ZNF674: variants seen among roughly 807,000 people sequenced by gnomAD.
The protein encoded by ZNF674 is zinc finger protein 674, also known as zinc finger family member 674.
In ZNF674, 2 loss-of-function variants were observed where a neutral mutation model predicts 7.0. That is an observed-to-expected ratio of 0.29 (90% confidence interval 0.12 to 0.90). The LOEUF (loss-of-function observed/expected upper bound fraction) is 0.90, where lower values mean the gene tolerates loss of function less well. Ranked by LOEUF, ZNF674 falls within the 40% of genes least tolerant of loss-of-function variation. The pLI, the probability that ZNF674 is intolerant of heterozygous loss-of-function variation, is 0.57. For missense variants in ZNF674, 297 were observed against 415.5 expected (o/e 0.71, Z 2.48); for synonymous variants, 103 against 145.2 (o/e 0.71, Z 2.09).
intron 2 of ZNF674, among the ~76,000 whole-genome samples, chrX:46,542,960 T>G (rs1942318125): frequency 9.0e-6 from 1 of 110,637 alleles, no homozygotes; most frequent in African/African-American, 3.3e-5. Context: ...TTTTTTTTGT[T>G]TTTTTTTGAG....
Position 46,500,554 on chromosome X carries a change from G to T in ZNF674, c.1020C>A (p.Ser340Arg). Residue 340 changes from serine (S) to arginine (R), a missense_variant, in exon 6 of 6, where the codon AGC becomes AGA. Transcript: ENST00000683375. ...FYKGIKCTTS[S>R]LIYQRIHTSE... ...TTGTGTGAATTCTTTGATATATAAGGCTGGACGTAGTACATTTAATACCTT... is the reference window on the plus strand; with the variant it reads ...TTGTGTGAATTCTTTGATATATAAGTCTGGACGTAGTACATTTAATACCTT... The T allele has an allele frequency of 8.3e-7, 1 of 1,210,838 alleles. No individual in the cohort carries two copies. Among genetic ancestry groups the T allele is most frequent in the Non-Finnish European group, 1.1e-6 (1 of 894,607 alleles).
chrX:46,515,747 T>C (rs1344193528), intron 5 of ZNF674, among the ~76,000 whole-genome samples: 1 of 111,448 alleles, frequency 9.0e-6, no homozygotes, highest in East Asian at 2.8e-4. Context: ...TAGCTACGAC[T>C]ACAGGCATGT....
At chrX:46,518,876 G>A (rs1941822296) in intron 5 of ZNF674, among the ~76,000 whole-genome samples, 1 of 102,520 alleles carries the variant, frequency 9.8e-6, no homozygotes, top group South Asian at 4.7e-4. Flanking sequence ...GGGTGACAGA[G>A]CGAGACTCCG....
chrX:46,535,300 C>T (rs969597452), intron 3 of ZNF674, among the ~76,000 whole-genome samples: 2 of 110,329 alleles, frequency 1.8e-5, no homozygotes, highest in African/African-American at 6.6e-5. Context: ...GCACGCACCA[C>T]CACGTCCAGC....
intron 5 of ZNF674, among the ~76,000 whole-genome samples, chrX:46,504,245 A>G (rs1033835030): frequency 3.6e-5 from 4 of 112,173 alleles, no homozygotes; most frequent in Non-Finnish European, 7.5e-5. Flanking sequence ...TATTTCCGCT[A>G]GCACAGCAGT....
intron 5 of ZNF674, chrX:46,525,448 CAAA>C (rs57976774): frequency 9.1e-4 from 80 of 87,461 alleles, no homozygotes; most frequent in South Asian, 6.5e-3. Flanking sequence ...ACTAAAAATA[CAAA>C]AAAAAAAAAA....
intron 5 of ZNF674, chrX:46,527,917 C>G: frequency 7.2e-6 from 1 of 137,992 alleles, no homozygotes; most frequent in Non-Finnish European, 1.4e-5. Context: ...AAGACTCCAA[C>G]TTTCAGCCTG....
At chrX:46,504,505 G>C (rs1941491928) in intron 5 of ZNF674, among the ~76,000 whole-genome samples, 1 of 110,319 alleles carries the variant, frequency 9.1e-6, no homozygotes, top group Non-Finnish European at 1.9e-5. Context: ...ACCACGCCTG[G>C]CTAATTTTTG....
In ZNF674 at chrX:46,500,851, G is replaced by A. The variant is rs745800629; in HGVS notation, c.723C>T (p.His241=). 5.9e-6 allele frequency: 7 copies of A among 1,183,258 alleles called. No individual in the cohort carries two copies. In the African/African-American group the frequency reaches 1.1e-4, roughly 18 times the overall value. Residue 241 remains histidine, a synonymous_variant, in exon 6 of 6, where the codon CAC becomes CAT. Transcript: ENST00000683375. The part of the protein sequence containing the change: ...KANLVVHQRT[H]TGEKPYECCE... ...AGCATTCATAAGGTTTCTCTCCGGT[G>A]TGAGTTCTTTGATGTACAACTAAGT...
At chrX:46,535,030 C>T (rs749994986) in intron 3 of ZNF674, among the ~76,000 whole-genome samples, 11 of 112,325 alleles carry the variant, frequency 9.8e-5, no homozygotes, top group Middle Eastern at 4.6e-3. Flanking sequence ...TGTGAGCCAC[C>T]GCTTCCAGCC....
At position 46,528,397 on chromosome X, in the gene ZNF674, T is replaced by A; in HGVS notation, c.191A>T (p.Asp64Val). The change falls in exon 5 of 6, where the codon GAC becomes GTC. Residue 64 changes from aspartate (D) to valine (V), a missense_variant. Asp to Val is a radical substitution (Grantham distance 152). Coordinates refer to ENST00000683375, the MANE Select transcript of ZNF674 (RefSeq NM_001190417.2). ...PDVIFRLGPG[D>V]ESWMADGGTP... ...CCCTCCATCTGCCATCCAGGACTCG[T>A]CACCTGGTCCCAACCTGAAGATCAC... is the stretch of plus-strand genomic sequence containing the variant. 8.3e-7 allele frequency: 1 copy of A among 1,211,724 alleles called. No homozygotes were observed. The highest frequency in any genetic ancestry group is 1.1e-6 in the Non-Finnish European group (1 of 895,540).
chrX:46,510,125 T>G (rs1329176630), intron 5 of ZNF674, among the ~76,000 whole-genome samples: 3 of 74,445 alleles, frequency 4.0e-5, no homozygotes, highest in Non-Finnish European at 7.1e-5. Flanking sequence ...AACATCACAC[T>G]CTGGGGACTG....
chrX:46,507,928 TTTTC>T (rs759464639), intron 5 of ZNF674, among the ~76,000 whole-genome samples: 15 of 112,375 alleles, frequency 1.3e-4, no homozygotes, highest in African/African-American at 4.2e-4. Flanking sequence ...GCCCGTTTCA[TTTTC>T]TTTCTTTTCA....
At chrX:46,534,444 C>T (rs144019010) in intron 3 of ZNF674, among the ~76,000 whole-genome samples, 1,267 of 111,160 alleles carry the variant, frequency 0.011, 15 homozygotes, top group African/African-American at 0.027. Context: ...CGGGCTCAAG[C>T]GATCCTCCTG....
At chrX:46,534,607 C>A (rs1018004068) in intron 3 of ZNF674, among the ~76,000 whole-genome samples, 1 of 110,767 alleles carries the variant, frequency 9.0e-6, no homozygotes, top group Non-Finnish European at 1.9e-5. Flanking sequence ...ATGATCCACC[C>A]GTGTCAGCTT....
chrX:46,506,180 A>G (rs986955291), intron 5 of ZNF674, among the ~76,000 whole-genome samples: 2 of 111,588 alleles, frequency 1.8e-5, no homozygotes, highest in Non-Finnish European at 3.8e-5. Context: ...AATATTCCCT[A>G]TGTTGATATG....
At chrX:46,536,772 GA>G (rs1942206598) in intron 3 of ZNF674, among the ~76,000 whole-genome samples, 1 of 110,291 alleles carries the variant, frequency 9.1e-6, no homozygotes, top group African/African-American at 3.3e-5. Flanking sequence ...AAAGGAAAAA[GA>G]AAAAAATAAA....
At chrX:46,502,675 T>A (rs1270361620) in intron 5 of ZNF674, among the ~76,000 whole-genome samples, 1 of 111,965 alleles carries the variant, frequency 8.9e-6, no homozygotes, top group Non-Finnish European at 1.9e-5. Context: ...ATCACACATG[T>A]TGGTGCATCT....
chrX:46,501,301 G>C lies in ZNF674; in HGVS notation c.273C>G (p.Tyr91Ter). ...VWEVDEQIDH[Y>*]KESQDKFLWQ... is the part of the protein sequence containing the mutation. Reference sequence around the variant, plus strand: ...ACAGAAATTTGTCTTGGCTTTCCTTGTAGTGATCTATCTGCTCGTCAACTT... The same window carrying C: ...ACAGAAATTTGTCTTGGCTTTCCTTCTAGTGATCTATCTGCTCGTCAACTT... The change falls in exon 6 of 6, where the codon TAC becomes TAG. Residue 91 changes from tyrosine to a stop codon, truncating the protein, a stop_gained. Coordinates refer to ENST00000683375, the MANE Select transcript of ZNF674 (RefSeq NM_001190417.2). LOFTEE classifies it low-confidence loss of function (END_TRUNC). 2.5e-6 allele frequency: 3 copies of C among 1,209,237 alleles called. No individual in the cohort carries two copies. The South Asian group carries it at 5.3e-5, about 22-fold the overall frequency.
Sources: allele counts gnomAD v4.1 joint callset (sites outside exome capture counted in the v4.1 genomes callset), GRCh38; gene constraint gnomAD v4.1.1; transcripts MANE v1.5; gene names NCBI Gene and HGNC (gene_info 2026-07-23, HGNC 2026-07-21).